The following PARVA variants were observed in gnomAD, a reference collection of about 807,000 sequenced individuals.
PARVA encodes the protein alpha-parvin.
PARVA carries 25 observed loss-of-function variants against 52.6 expected under a neutral mutation model. That is an observed-to-expected ratio of 0.48 (90% CI 0.35 to 0.66). The LOEUF is 0.66. Ranked by LOEUF, PARVA falls within the 30% of genes least tolerant of loss-of-function variation. The pLI is 0.01. For missense variants in PARVA, 373 were observed against 450.9 expected (o/e 0.83, Z 1.56); for synonymous variants, 185 against 179.1 (o/e 1.03, Z -0.26).
chr11:12,511,607 G>C, intron 8 of PARVA, 74 bp downstream of exon 8: 6 of 1,497,270 alleles, frequency 4.0e-6, no homozygotes, highest in Non-Finnish European at 5.6e-6. Context: ...GCAGCTGGGA[G>C]GAACAGGCTC....
At chr11:12,425,697 A>C (rs1214664631) in intron 1 of PARVA, among the ~76,000 whole-genome samples, 1 of 152,206 alleles carries the variant, frequency 6.6e-6, no homozygotes, top group Non-Finnish European at 1.5e-5. Context: ...TCATATGTCT[A>C]ATATCCCTGT....
rs1704102916 is a variant in PARVA at position 12,527,894 on chromosome 11, A to G, written c.1088A>G (p.Asn363Ser). 2 of 1,613,024 alleles carry G rather than the reference A, an allele frequency of 1.2e-6. No individual in the cohort carries two copies. The highest frequency in any genetic ancestry group is 1.7e-5 in the Admixed American group (1 of 59,982). ...DLKSTLRVLY[N>S]LFTKYRNVE ...AAATCTACACTACGAGTGTTGTACA[A>G]CCTCTTCACCAAGTACCGTAACGTG... The change falls in exon 13 of 13, where the codon AAC becomes AGC. Residue 363 changes from asparagine (N) to serine (S), a missense_variant. Transcript: ENST00000334956.
rs543936189 is a variant in PARVA at position 12,453,839 on chromosome 11, A to C, written c.137-19906A>C. On this transcript the variant is annotated intron_variant, in intron 1 of 12. Transcript: ENST00000334956. ...AGGAATAAAAAGGGTGGCTCTAAGC[A>C]ACCTTCAGCCACAGTGGAGCCCAAG... 2.0e-5 allele frequency among the ~76,000 whole-genome samples: 3 copies of C among 152,322 alleles called. No individual in the cohort carries two copies. In the South Asian group the frequency reaches 6.2e-4, roughly 32 times the overall value.
intron 1 of PARVA, among the ~76,000 whole-genome samples, chr11:12,422,272 A>G (rs1308935933): frequency 1.3e-5 from 2 of 152,180 alleles, no homozygotes; most frequent in Admixed American, 1.3e-4. Flanking sequence ...CTTCTTAATA[A>G]TATGCTGTTA....
chr11:12,462,749 C>T (rs2135025352), intron 1 of PARVA, among the ~76,000 whole-genome samples: 1 of 152,300 alleles, frequency 6.6e-6, no homozygotes, highest in South Asian at 2.1e-4. Flanking sequence ...TTCAGTGACA[C>T]TTGTACTAGT....
At chr11:12,421,195 G>T (rs1940144454) in intron 1 of PARVA, among the ~76,000 whole-genome samples, 1 of 151,944 alleles carries the variant, frequency 6.6e-6, no homozygotes. Context: ...ACAAAAAGTT[G>T]CACAGATGAG....
At chr11:12,379,562 C>T (rs1939455254) in intron 1 of PARVA, among the ~76,000 whole-genome samples, 1 of 151,964 alleles carries the variant, frequency 6.6e-6, no homozygotes, top group South Asian at 2.1e-4. Context: ...TAATCAACTT[C>T]TCTTCCCCCC....
upstream of PARVA, among the ~76,000 whole-genome samples, chr11:12,376,452 G>A (rs1939388842): frequency 6.6e-6 from 1 of 152,176 alleles, no homozygotes; most frequent in South Asian, 2.1e-4. Flanking sequence ...CAGCATGCAC[G>A]TGGCTAGAAA....
chr11:12,472,729 G>A (rs1940950202), intron 1 of PARVA, among the ~76,000 whole-genome samples: 1 of 152,172 alleles, frequency 6.6e-6, no homozygotes, highest in African/African-American at 2.4e-5. Context: ...CTTTTATTAA[G>A]GTTGATTGCA....
chr11:12,409,035 C>T (rs1939954776), intron 1 of PARVA, among the ~76,000 whole-genome samples: 1 of 152,162 alleles, frequency 6.6e-6, no homozygotes, highest in African/African-American at 2.4e-5. Context: ...GGGGATGGTG[C>T]TAGATGTTGG....
At chr11:12,400,582 T>C (rs953277217) in intron 1 of PARVA, among the ~76,000 whole-genome samples, 1 of 152,190 alleles carries the variant, frequency 6.6e-6, no homozygotes, top group African/African-American at 2.4e-5. Flanking sequence ...AACCAAATAC[T>C]ATGTATTGAT....
intron 1 of PARVA, among the ~76,000 whole-genome samples, chr11:12,437,135 T>C (rs1940397509): frequency 6.6e-6 from 1 of 152,216 alleles, no homozygotes; most frequent in Non-Finnish European, 1.5e-5. Flanking sequence ...TATTTTATTA[T>C]ATTTTTGCAA....
chr11:12,379,260 C>T (rs1939450134), intron 1 of PARVA, among the ~76,000 whole-genome samples: 2 of 152,176 alleles, frequency 1.3e-5, no homozygotes, highest in African/African-American at 4.8e-5. Flanking sequence ...TGCCCACATC[C>T]TATCTCATCC....
At chr11:12,389,312 C>T (rs112382058) in intron 1 of PARVA, among the ~76,000 whole-genome samples, 101 of 152,252 alleles carry the variant, frequency 6.6e-4, no homozygotes, top group African/African-American at 2.0e-3. Flanking sequence ...GAGCCCAGAG[C>T]GTGGCTGCCC....
chr11:12,484,808 CTTTTTT>C (rs1177057401), intron 4 of PARVA, among the ~76,000 whole-genome samples: 2 of 102,636 alleles, frequency 1.9e-5, no homozygotes, highest in Admixed American at 2.3e-4. Context: ...TTTTTGTTGA[CTTTTTT>C]TTTTTTTTTT....
At position 12,532,855 on chromosome 11, in the gene PARVA, G is replaced by A. The variant is rs763242042; in HGVS notation, c.*4930G>A. ...ACAGAATGAGGGAGAAGACGGATCCGATCGCAGGCATCGGGAGTGCTGATT... is the reference window on the plus strand; with the variant it reads ...ACAGAATGAGGGAGAAGACGGATCCAATCGCAGGCATCGGGAGTGCTGATT... On this transcript the variant is annotated 3_prime_UTR_variant, in exon 13 of 13. Transcript: ENST00000334956. Among the ~76,000 whole-genome samples the A allele has an allele frequency of 4.9e-4, 75 of 152,190 alleles. 2 individuals are homozygous for A. Among genetic ancestry groups the A allele is most frequent in the Non-Finnish European group, 1.3e-4 (9 of 68,040 alleles).
At position 12,429,418 on chromosome 11, in the gene PARVA, G is replaced by A. The variant is rs571816558; in HGVS notation, c.137-44327G>A. Among the ~76,000 whole-genome samples, 40 of 152,304 alleles carry A rather than the reference G, an allele frequency of 2.6e-4. No homozygotes were observed. In the East Asian group the frequency reaches 6.9e-3, roughly 26 times the overall value. ...TTAACAACCAGCTTTCCAGTAAAAAGTGTGTGTACAAATGCATATATAAGT... is the reference window on the plus strand; with the variant it reads ...TTAACAACCAGCTTTCCAGTAAAAAATGTGTGTACAAATGCATATATAAGT... On this transcript the variant is annotated intron_variant, in intron 1 of 12. Coordinates refer to ENST00000334956, the MANE Select transcript of PARVA (RefSeq NM_018222.5).
chr11:12,439,805 A>G (rs1940437754), intron 1 of PARVA, among the ~76,000 whole-genome samples: 1 of 152,072 alleles, frequency 6.6e-6, no homozygotes, highest in Non-Finnish European at 1.5e-5. Context: ...AAGCCTCTGC[A>G]CTTCCTGTTT....
At chr11:12,445,362 C>G (rs778649178) in intron 1 of PARVA, among the ~76,000 whole-genome samples, 1 of 152,156 alleles carries the variant, frequency 6.6e-6, no homozygotes, top group Non-Finnish European at 1.5e-5. Context: ...ACCCAACAGA[C>G]AAGGCCAATG....
Sources: gnomAD v4.1 joint callset for allele counts (sites outside exome capture counted in the v4.1 genomes callset) on GRCh38, gnomAD v4.1.1 for gene constraint, MANE v1.5 for transcripts, NCBI Gene and HGNC (gene_info 2026-07-23, HGNC 2026-07-21) for gene names.